The following EXOC6 variants were observed in gnomAD, a reference collection of about 807,000 sequenced individuals.
EXOC6 encodes the protein exocyst complex component 6.
EXOC6 carries 60 observed loss-of-function variants against 112.5 expected under a neutral mutation model. The observed-to-expected ratio is 0.53, with a 90% CI of 0.43 to 0.66. EXOC6 has a LOEUF of 0.66. Among genes scored for constraint, EXOC6 ranks in the 30% least tolerant of loss-of-function variants. EXOC6 has a pLI of 0.00. For synonymous variants in EXOC6, 295 were observed against 308.0 expected (o/e 0.96, Z 0.44); for missense variants, 855 against 957.1 (o/e 0.89, Z 1.41).
chr10:92,987,486 C>T (rs1843055387), intron 18 of EXOC6: 2 of 222,500 alleles, frequency 9.0e-6, no homozygotes, highest in Non-Finnish European at 1.5e-5. Flanking sequence ...TCTAAATTAG[C>T]AACAAACACA....
upstream of EXOC6, among the ~76,000 whole-genome samples, chr10:92,833,852 T>C (rs987694327): frequency 6.6e-6 from 1 of 152,058 alleles, no homozygotes; most frequent in Non-Finnish European, 1.5e-5. Flanking sequence ...TTAGGCCTAC[T>C]TGGGGCTGGT....
chr10:92,997,056 T>C (rs1406973415), intron 18 of EXOC6, among the ~76,000 whole-genome samples: 1 of 152,236 alleles, frequency 6.6e-6, no homozygotes, highest in African/African-American at 2.4e-5. Context: ...TCCTTTATTC[T>C]GACTTGGTTA....
At chr10:92,854,056 G>A (rs939458039) in intron 1 of EXOC6, among the ~76,000 whole-genome samples, 21 of 151,194 alleles carry the variant, frequency 1.4e-4, no homozygotes, top group Non-Finnish European at 2.4e-4. Flanking sequence ...CACAGATTGG[G>A]AGAAGATATT....
intron 17 of EXOC6, among the ~76,000 whole-genome samples, chr10:92,959,359 T>C (rs1026945357): frequency 2.6e-5 from 4 of 152,182 alleles, no homozygotes; most frequent in Non-Finnish European, 5.9e-5. Context: ...CTCAAAATGT[T>C]TCACAGATCT....
intron 17 of EXOC6, among the ~76,000 whole-genome samples, chr10:92,964,693 A>T (rs1294402767): frequency 6.6e-6 from 1 of 152,208 alleles, no homozygotes; most frequent in Admixed American, 6.5e-5. Flanking sequence ...AGAAAAAGCA[A>T]CTCAAACTTT....
chr10:93,007,155 G>A (rs945145562), intron 19 of EXOC6, among the ~76,000 whole-genome samples: 1 of 152,150 alleles, frequency 6.6e-6, no homozygotes, highest in Non-Finnish European at 1.5e-5. Flanking sequence ...TAATTTCAGA[G>A]TAGGTTTTAT....
chr10:92,986,689 A>G (rs1843023207), intron 18 of EXOC6, among the ~76,000 whole-genome samples: 1 of 151,902 alleles, frequency 6.6e-6, no homozygotes, highest in South Asian at 2.1e-4. Context: ...TCTAAAAAAA[A>G]AAAAAAAAGT....
chr10:93,057,106 T>A, intron 21 of EXOC6, 70 bp downstream of exon 21: 1 of 796,192 alleles, frequency 1.3e-6, no homozygotes, highest in Non-Finnish European at 2.0e-6. Flanking sequence ...ACTGAAGAAC[T>A]AGAGATTTCT....
intron 17 of EXOC6, among the ~76,000 whole-genome samples, chr10:92,959,341 A>G (rs1460725428): frequency 6.6e-6 from 1 of 152,208 alleles, no homozygotes; most frequent in East Asian, 1.9e-4. Flanking sequence ...ACCCTTCACA[A>G]AAACTGACTC....
intron 6 of EXOC6, among the ~76,000 whole-genome samples, chr10:92,911,157 A>G (rs886373635): frequency 2.0e-5 from 3 of 152,082 alleles, no homozygotes; most frequent in Non-Finnish European, 4.4e-5. Flanking sequence ...GCTCAACACT[A>G]TTTCTTCTTT....
chr10:92,868,253 G>A (rs1448227159), intron 1 of EXOC6, among the ~76,000 whole-genome samples: 1 of 152,088 alleles, frequency 6.6e-6, no homozygotes, highest in African/African-American at 2.4e-5. Context: ...GGTGTGGCAT[G>A]AGGAGTGGCT....
intron 1 of EXOC6, among the ~76,000 whole-genome samples, chr10:92,850,291 T>C (rs1237343991): frequency 2.0e-5 from 3 of 152,242 alleles, no homozygotes; most frequent in African/African-American, 7.2e-5. Context: ...AATATGTGTA[T>C]TCATAGTGTT....
upstream of EXOC6, among the ~76,000 whole-genome samples, chr10:92,832,854 G>A (rs542037757): frequency 2.6e-3 from 389 of 151,244 alleles, 4 homozygotes; most frequent in South Asian, 9.5e-3. Context: ...GTAGAGACAG[G>A]GTCTCGCCCT....
intron 1 of EXOC6, among the ~76,000 whole-genome samples, chr10:92,837,137 A>ACACACACAC (rs1564760612): frequency 4.5e-5 from 3 of 66,988 alleles, no homozygotes; most frequent in South Asian, 5.1e-4. Flanking sequence ...CACACACACA[A>ACACACACAC]GCCAGAACAA....
chr10:92,920,529 C>T (rs1458934426), intron 8 of EXOC6, among the ~76,000 whole-genome samples: 1 of 152,188 alleles, frequency 6.6e-6, no homozygotes, highest in Non-Finnish European at 1.5e-5. Flanking sequence ...TTACCCACCC[C>T]TCCAACCACC....
At chr10:93,007,093 C>T (rs1268120122) in intron 19 of EXOC6, among the ~76,000 whole-genome samples, 4 of 151,888 alleles carry the variant, frequency 2.6e-5, no homozygotes, top group Non-Finnish European at 5.9e-5. Flanking sequence ...AGATAACTGT[C>T]TGCCTAGAAC....
chr10:92,879,183 A>G (rs1045338494), intron 1 of EXOC6, among the ~76,000 whole-genome samples: 1 of 152,210 alleles, frequency 6.6e-6, no homozygotes, highest in African/African-American at 2.4e-5. Context: ...TTAGAAGTAG[A>G]TTAAAAGGCT....
chr10:92,861,852 G>C (rs923770271), intron 1 of EXOC6, among the ~76,000 whole-genome samples: 12 of 152,184 alleles, frequency 7.9e-5, no homozygotes, highest in Non-Finnish European at 7.3e-5. Context: ...ATTTTCATTA[G>C]TTAGAGTTGT....
chr10:92,967,044 G>A (rs1842098761), intron 17 of EXOC6, among the ~76,000 whole-genome samples: 1 of 150,794 alleles, frequency 6.6e-6, no homozygotes, highest in Admixed American at 6.7e-5. Flanking sequence ...GGCCAGTGAT[G>A]ATGAGCATTT....
Sources: gnomAD v4.1 joint callset for allele counts (sites outside exome capture counted in the v4.1 genomes callset) on GRCh38, gnomAD v4.1.1 for gene constraint, MANE v1.5 for transcripts, NCBI Gene and HGNC (gene_info 2026-07-23, HGNC 2026-07-21) for gene names.